EIF4ENIF1: variants seen among roughly 807,000 people sequenced by gnomAD.
EIF4ENIF1 encodes eukaryotic translation initiation factor 4E transporter.
A neutral mutation model predicts 110.5 loss-of-function variants in EIF4ENIF1; 23 were observed. The ratio of observed to expected loss-of-function variants is 0.21; its 90% CI spans 0.15 to 0.29. The LOEUF (loss-of-function observed/expected upper bound fraction) is 0.29, where lower values mean the gene tolerates loss of function less well. Among genes scored for constraint, EIF4ENIF1 ranks in the 10% least tolerant of loss-of-function variants. The pLI is 1.00. For missense variants in EIF4ENIF1, 1,031 were observed against 1,221.1 expected, an observed-to-expected ratio of 0.84 and a Z score of 2.32; for synonymous variants, 440 against 437.0, an observed-to-expected ratio of 1.01 and a Z score of -0.09.
At chr22:31,442,695 A>T (rs529440948) in intron 16 of EIF4ENIF1, among the ~76,000 whole-genome samples, 2 of 152,342 alleles carry the variant, frequency 1.3e-5, no homozygotes, top group South Asian at 4.1e-4. Flanking sequence ...TTGAAGCCTA[A>T]CTAAGGATTC....
chr22:31,461,295 A>G (rs1000653266), intron 6 of EIF4ENIF1, among the ~76,000 whole-genome samples: 3 of 152,176 alleles, frequency 2.0e-5, no homozygotes, highest in African/African-American at 7.2e-5. Flanking sequence ...TGGCCACCTT[A>G]GAGCCAGGTC....
intron 2 of EIF4ENIF1, among the ~76,000 whole-genome samples, chr22:31,477,473 C>CGAGG (rs1258443477): frequency 6.6e-6 from 1 of 151,376 alleles, no homozygotes; most frequent in Non-Finnish European, 1.5e-5. Flanking sequence ...GCTCTAATCA[C>CGAGG]AGAGTGATAA....
intron 2 of EIF4ENIF1, among the ~76,000 whole-genome samples, chr22:31,483,980 A>G (rs1181028020): frequency 6.6e-6 from 1 of 152,192 alleles, no homozygotes; most frequent in African/African-American, 2.4e-5. Flanking sequence ...ATGTGACTCT[A>G]ACTTGAGGTC....
chr22:31,459,080 A>C (rs2050914406), intron 6 of EIF4ENIF1, among the ~76,000 whole-genome samples: 1 of 151,892 alleles, frequency 6.6e-6, no homozygotes, highest in South Asian at 2.1e-4. Context: ...GGTGCACACC[A>C]CCATGCCTGG....
chr22:31,446,589 A>C (rs1446478604), intron 14 of EIF4ENIF1, among the ~76,000 whole-genome samples: 2 of 152,182 alleles, frequency 1.3e-5, no homozygotes, highest in African/African-American at 4.8e-5. Flanking sequence ...AAGGTAGACT[A>C]AACTATAGTG....
At position 31,439,734 on chromosome 22, in the gene EIF4ENIF1, C is replaced by T. The variant is rs530353636; in HGVS notation, c.*146G>A. The T allele has an allele frequency of 1.8e-4, 208 of 1,135,250 alleles. No individual in the cohort carries two copies. Among genetic ancestry groups the T allele is most frequent in the Admixed American group, 5.3e-4 (19 of 36,058 alleles). 70.3% of individuals were successfully genotyped at this position (1,135,250 alleles called of 1,614,324 possible). A position where few individuals can be genotyped will look rare whatever the true frequency, so the allele number is the denominator to read the frequency against. On this transcript the variant is annotated 3_prime_UTR_variant, in exon 19 of 19. Transcript: ENST00000330125. ...TGGTTAAGATCCTTCCATCATAATG[C>T]GGACCACACCAGATGCATGGGTTCC...
chr22:31,487,663 G>A (rs1218486244), intron 2 of EIF4ENIF1, among the ~76,000 whole-genome samples: 1 of 151,982 alleles, frequency 6.6e-6, no homozygotes, highest in Non-Finnish European at 1.5e-5. Context: ...ACTGGTGCAC[G>A]CCTGTGGTCC....
At chr22:31,455,397 T>TG in intron 8 of EIF4ENIF1, 82 bp from the exon 9 acceptor site, 2 of 673,824 alleles carry the variant, frequency 3.0e-6, no homozygotes, top group Non-Finnish European at 3.9e-6. Flanking sequence ...CTTTCTTTCT[T>TG]TTTTTTTTTT....
At chr22:31,470,905 G>A (rs985288948) in intron 3 of EIF4ENIF1, among the ~76,000 whole-genome samples, 3 of 151,274 alleles carry the variant, frequency 2.0e-5, no homozygotes, top group Non-Finnish European at 1.5e-5. Context: ...CCAGCTACTC[G>A]GGAGGCTGAG....
chr22:31,439,666 A>G lies in EIF4ENIF1; in HGVS notation c.*214T>C. ...AGAAAGACCATTTCCAGGATTGACA[A>G]CATTGTGCATCCTGTATTCAGACAA... On this transcript the variant is annotated 3_prime_UTR_variant, in exon 19 of 19. Transcript: ENST00000330125. 2 of 632,574 alleles carry G rather than the reference A, an allele frequency of 3.2e-6. No homozygotes were observed. The highest frequency in any genetic ancestry group is 5.2e-6 in the Non-Finnish European group (2 of 385,028). The allele number at this position is 632,574 out of a possible 1,614,324, so 39.2% of individuals were successfully genotyped here.
chr22:31,456,006 AAAACT>A lies in EIF4ENIF1; in HGVS notation c.964-24_964-20del, dbSNP rs752746888. 2 of 1,611,488 alleles carry A rather than the reference AAAACT, an allele frequency of 1.2e-6. No individual in the cohort carries two copies. The highest frequency in any genetic ancestry group is 2.7e-5 in the African/African-American group (2 of 74,728). On this transcript the variant is annotated intron_variant, in intron 7 of 18. Transcript: ENST00000330125. Reference sequence around the variant, plus strand: ...CTATCATCTGAAGAAAAAGACAATAAAAACTAATAGTTTCTAGATGAAAAAGGACA... The same window carrying A: ...CTATCATCTGAAGAAAAAGACAATAAAATAGTTTCTAGATGAAAAAGGACA...
At chr22:31,452,489 C>T (rs1395208132) in intron 10 of EIF4ENIF1, among the ~76,000 whole-genome samples, 1 of 152,200 alleles carries the variant, frequency 6.6e-6, no homozygotes, top group Non-Finnish European at 1.5e-5. Context: ...ACTGCCCTTA[C>T]AACTCGAGTA....
intron 15 of EIF4ENIF1, 89 bp from the exon 16 acceptor site, chr22:31,443,183 A>G: frequency 2.0e-6 from 3 of 1,533,180 alleles, no homozygotes; most frequent in African/African-American, 1.4e-5. Context: ...ATACTCAACA[A>G]AGAGTCCCCA....
At chr22:31,463,656 A>AG in intron 5 of EIF4ENIF1, 25 bp downstream of exon 5, 1 of 1,462,262 alleles carries the variant, frequency 6.8e-7, no homozygotes, top group Non-Finnish European at 9.0e-7. Flanking sequence ...CAATTTAAAA[A>AG]AAAAAAAAAA....
chr22:31,442,898 C>A, intron 16 of EIF4ENIF1, 64 bp downstream of exon 16: 2 of 1,594,506 alleles, frequency 1.3e-6, no homozygotes. Flanking sequence ...CTGGTCAGCG[C>A]TCAGGCCCAT....
In EIF4ENIF1 at chr22:31,439,885, G is replaced by A. The variant is rs1216477267; in HGVS notation, c.2953C>T (p.Gln985Ter). The stretch of plus-strand genomic sequence containing the variant: ...GTTGAGTCTGCCTGCCCTGCTCACT[G>A]TCGGTATTCCAATTCATCTACACTG... ...VISVDELEYR[Q>*] The change falls in exon 19 of 19, where the codon CAG becomes TAG. Residue 985 changes from glutamine to a stop codon, truncating the protein, a stop_gained. Transcript: ENST00000330125. LOFTEE classifies it high-confidence loss of function. 1.9e-6 allele frequency: 3 copies of A among 1,613,150 alleles called. No individual in the cohort carries two copies. The highest frequency in any genetic ancestry group is 2.5e-6 in the Non-Finnish European group (3 of 1,180,018).
At chr22:31,439,190 G>A (rs1263382786), downstream of EIF4ENIF1, among the ~76,000 whole-genome samples, 1 of 152,188 alleles carries the variant, frequency 6.6e-6, no homozygotes, top group Non-Finnish European at 1.5e-5. Flanking sequence ...TGTGCCTGTA[G>A]TTCCATCTAC....
chr22:31,440,966 G>T, intron 17 of EIF4ENIF1, 98 bp from the exon 18 acceptor site: 2 of 1,498,310 alleles, frequency 1.3e-6, no homozygotes, highest in Non-Finnish European at 1.8e-6. Context: ...AGTTTGTTAA[G>T]AATGAAGGGC....
chr22:31,437,875 G>A (rs2062542541), downstream of EIF4ENIF1: 1 of 152,224 alleles, frequency 6.6e-6, no homozygotes, highest in African/African-American at 2.4e-5. Flanking sequence ...TATTTCTGAA[G>A]CTGAGGAATC....
Sources: gnomAD v4.1 joint callset for allele counts (sites outside exome capture counted in the v4.1 genomes callset) on GRCh38, gnomAD v4.1.1 for gene constraint, MANE v1.5 for transcripts, NCBI Gene and HGNC (gene_info 2026-07-23, HGNC 2026-07-21) for gene names.